Variants in GSPT1 observed in about 807,000 individuals in gnomAD.
The protein encoded by GSPT1 is eukaryotic peptide chain release factor GTP-binding subunit ERF3A.
GSPT1 carries 20 observed loss-of-function variants against 72.5 expected under a neutral mutation model. The observed-to-expected ratio is 0.28, with a 90% CI of 0.19 to 0.40. The LOEUF is 0.40. Ranked by LOEUF, GSPT1 falls within the 10% of genes least tolerant of loss-of-function variation. The pLI is 1.00. For missense variants in GSPT1, 580 were observed against 811.9 expected (o/e 0.71, Z 3.47); for synonymous variants, 334 against 293.5 (o/e 1.14, Z -1.41).
chr16:11,888,806 G>A (rs1299632808), intron 6 of GSPT1, among the ~76,000 whole-genome samples: 2 of 152,116 alleles, frequency 1.3e-5, no homozygotes, highest in African/African-American at 4.8e-5. Context: ...GTATTATTTT[G>A]ATTCAAACCC....
At chr16:11,915,340 G>T in intron 1 of GSPT1, 29 bp downstream of exon 1, 1 of 1,436,762 alleles carries the variant, frequency 7.0e-7, no homozygotes, top group Non-Finnish European at 9.1e-7. Flanking sequence ...GCGCCCGGCC[G>T]GACTTCCTCC....
intron 6 of GSPT1, among the ~76,000 whole-genome samples, chr16:11,890,326 G>A (rs59943316): frequency 0.038 from 5,738 of 152,130 alleles, 361 homozygotes; most frequent in African/African-American, 0.13. Flanking sequence ...AGCCACTAAC[G>A]CACCATGTGG....
rs1018901918 is a variant in GSPT1 at position 11,915,844 on chromosome 16, G to A, written c.-124C>T. ...CGGGGCAGAAGGGCCGGGAGCTAGC[G>A]ACAAAGATCCCCGGCGTCGCCGCGG... On this transcript the variant is annotated 5_prime_UTR_variant, in exon 1 of 15. Transcript: ENST00000434724. 2.1e-6 allele frequency: 3 copies of A among 1,449,848 alleles called. No individual in the cohort carries two copies. Among genetic ancestry groups the A allele is most frequent in the East Asian group, 2.3e-5 (1 of 42,638 alleles). 89.8% of individuals were successfully genotyped at this position (1,449,848 alleles called of 1,614,324 possible). A position where few individuals can be genotyped will look rare whatever the true frequency, so the allele number is the denominator to read the frequency against.
intron 1 of GSPT1, chr16:11,915,103 G>C (rs1350234754): frequency 1.6e-6 from 2 of 1,277,272 alleles, no homozygotes; most frequent in East Asian, 6.1e-5. Flanking sequence ...GCGGACTCCA[G>C]AGCAGGGCAG....
rs7196885 is a variant in GSPT1, at chr16:11,914,238, A to C, written c.352+1131T>G. On this transcript the variant is annotated intron_variant, in intron 1 of 14. Coordinates refer to ENST00000434724, the MANE Select transcript of GSPT1 (RefSeq NM_002094.4). ...TCCTAAAATAAGCACCATTAGGAAG[A>C]GAATACTTAAGTTCACTCATTTGAC... Among the ~76,000 whole-genome samples, 476 of 152,334 alleles carry C rather than the reference A, an allele frequency of 3.1e-3. 5 individuals are homozygous for C. Among genetic ancestry groups the C allele is most frequent in the African/African-American group, 0.011 (456 of 41,572 alleles).
intron 6 of GSPT1, among the ~76,000 whole-genome samples, chr16:11,888,757 T>C (rs1485134316): frequency 2.6e-5 from 4 of 152,158 alleles, no homozygotes; most frequent in East Asian, 1.9e-4. Context: ...TGAGACTCCG[T>C]CTCAAAAAAA....
chr16:11,898,406 C>A (rs979645917), intron 1 of GSPT1, among the ~76,000 whole-genome samples: 1 of 150,508 alleles, frequency 6.6e-6, no homozygotes, highest in Non-Finnish European at 1.5e-5. Flanking sequence ...GTGATTCTCT[C>A]TAGGTAACCC....
Position 11,868,339 on chromosome 16 carries a change from G to C in GSPT1, c.*4780C>G, listed in dbSNP as rs952516431. On this transcript the variant is annotated 3_prime_UTR_variant, in exon 15 of 15. Transcript: ENST00000434724. ...TTAGGCTAAAAAACTCAACAAACCT[G>C]ATCAGTTCCCTTTAATCCTGTTTTT... is the stretch of plus-strand genomic sequence containing the variant. 2 of 148,094 alleles carry C rather than the reference G, an allele frequency of 1.4e-5. No individual in the cohort carries two copies. The highest frequency in any genetic ancestry group is 3.0e-5 in the Non-Finnish European group (2 of 67,496). The allele number at this position is 148,094 out of a possible 1,614,324, so 9.2% of individuals were successfully genotyped here.
At position 11,876,203 on chromosome 16, in the gene GSPT1, C is replaced by T. The variant is rs754066312; in HGVS notation, c.1603-28G>A. The stretch of plus-strand genomic sequence containing the variant: ...GTCAAACAAACACACACATTCTTAT[C>T]TTTAGCCTTAGGGTAAATAAGAATT... On this transcript the variant is annotated intron_variant, in intron 12 of 14. Transcript: ENST00000434724. 3.0e-5 allele frequency: 40 copies of T among 1,350,194 alleles called. No individual in the cohort carries two copies. The East Asian group carries it at 8.9e-4, about 30-fold the overall frequency. 83.6% of individuals were successfully genotyped at this position (1,350,194 alleles called of 1,614,324 possible).
At chr16:11,876,439 C>T (rs1454728233) in intron 12 of GSPT1, among the ~76,000 whole-genome samples, 2 of 152,050 alleles carry the variant, frequency 1.3e-5, no homozygotes, top group Admixed American at 6.6e-5. Flanking sequence ...TTTCAAAATA[C>T]GGCAGGCTGG....
intron 1 of GSPT1, among the ~76,000 whole-genome samples, chr16:11,907,601 G>A (rs991741186): frequency 8.7e-5 from 12 of 137,432 alleles, no homozygotes; most frequent in African/African-American, 3.6e-4. Context: ...CTCCAGGCAT[G>A]CCCTTCCCGC....
At position 11,897,926 on chromosome 16, in the gene GSPT1, C is replaced by G; in HGVS notation, c.395-45G>C. On this transcript the variant is annotated intron_variant, in intron 2 of 14. Coordinates refer to ENST00000434724, the MANE Select transcript of GSPT1 (RefSeq NM_002094.4). ...ATAATATATATTTACCAAACAGTAT[C>G]TAGCTTTACACACCATATAGACAAC... 3 of 1,444,798 alleles carry G rather than the reference C, an allele frequency of 2.1e-6. No individual in the cohort carries two copies. The East Asian group carries it at 7.4e-5, about 35-fold the overall frequency. 89.5% of individuals were successfully genotyped at this position (1,444,798 alleles called of 1,614,324 possible). A position where few individuals can be genotyped will look rare whatever the true frequency, so the allele number is the denominator to read the frequency against.
At chr16:11,895,026 C>T in intron 4 of GSPT1, 39 bp from the exon 5 acceptor site, 1 of 1,434,112 alleles carries the variant, frequency 7.0e-7, no homozygotes, top group East Asian at 2.3e-5. Flanking sequence ...AGGTTAAAAC[C>T]AAAAACCAAT....
At chr16:11,910,754 A>T (rs1487029678) in intron 1 of GSPT1, among the ~76,000 whole-genome samples, 1 of 152,224 alleles carries the variant, frequency 6.6e-6, no homozygotes, top group Non-Finnish European at 1.5e-5. Flanking sequence ...GCAACTTCAG[A>T]AAAGGTAAAA....
chr16:11,871,259 G>A lies in GSPT1; in HGVS notation c.*1860C>T, dbSNP rs2053975230. On this transcript the variant is annotated 3_prime_UTR_variant, in exon 15 of 15. Transcript: ENST00000434724. ...TGTAGCCTCATTCAAGAAATGAATG[G>A]GAATTTCACAGTTAAGAAAACACTA... The A allele has an allele frequency of 6.6e-6, 1 of 152,142 alleles. No individual in the cohort carries two copies. The highest frequency in any genetic ancestry group is 2.4e-5 in the African/African-American group (1 of 41,446). 9.4% of individuals were successfully genotyped at this position (152,142 alleles called of 1,614,324 possible). A position where few individuals can be genotyped will look rare whatever the true frequency, so the allele number is the denominator to read the frequency against.
Position 11,873,276 on chromosome 16 carries a change from G to T in GSPT1, c.1862-105C>A, listed in dbSNP as rs372267717. On this transcript the variant is annotated intron_variant, in intron 14 of 14. Coordinates refer to ENST00000434724, the MANE Select transcript of GSPT1 (RefSeq NM_002094.4). ...CACAAAAATATTTTTTACAATGTAA[G>T]TTACTAATTAACTAGCTTTACTGCC... 4.0e-5 allele frequency: 24 copies of T among 597,692 alleles called. No homozygotes were observed. The East Asian group carries it at 6.5e-4, about 16-fold the overall frequency. 37.0% of individuals were successfully genotyped at this position (597,692 alleles called of 1,614,324 possible).
chr16:11,894,919 T>G, intron 5 of GSPT1, 35 bp downstream of exon 5: 1 of 1,376,202 alleles, frequency 7.3e-7, no homozygotes. Flanking sequence ...TTACATCAAT[T>G]TAACTCTGTT....
At chr16:11,912,735 T>A (rs368786808) in intron 1 of GSPT1, among the ~76,000 whole-genome samples, 6 of 152,236 alleles carry the variant, frequency 3.9e-5, no homozygotes, top group African/African-American at 1.4e-4. Context: ...CTTGTTCTAA[T>A]ATACATTAAG....
intron 5 of GSPT1, among the ~76,000 whole-genome samples, chr16:11,891,366 A>T (rs1057133661): frequency 1.7e-3 from 248 of 143,472 alleles, no homozygotes; most frequent in Admixed American, 5.0e-3. Context: ...ATATATATAT[A>T]TATTTTTTTT....
Sources: allele counts gnomAD v4.1 joint callset (sites outside exome capture counted in the v4.1 genomes callset), GRCh38; gene constraint gnomAD v4.1.1; transcripts MANE v1.5; gene names NCBI Gene and HGNC (gene_info 2026-07-23, HGNC 2026-07-21).